Variants in FYTTD1 observed in about 807,000 individuals in gnomAD.
FYTTD1 encodes the protein forty-two-three domain containing 1.
FYTTD1 carries 22 observed loss-of-function variants against 40.9 expected under a neutral mutation model. That is an observed-to-expected ratio of 0.54 (90% confidence interval 0.38 to 0.77). FYTTD1 has a LOEUF of 0.77. Ranked by LOEUF, FYTTD1 falls within the 30% of genes least tolerant of loss-of-function variation. The pLI, the probability that FYTTD1 is intolerant of heterozygous loss-of-function variation, is 0.00. For missense variants in FYTTD1, 351 were observed against 392.2 expected, an observed-to-expected ratio of 0.90 and a Z score of 0.89; for synonymous variants, 140 against 137.9, an observed-to-expected ratio of 1.01 and a Z score of -0.10.
chr3:197,772,877 G>A (rs1246812504), intron 4 of FYTTD1, among the ~76,000 whole-genome samples: 2 of 152,196 alleles, frequency 1.3e-5, no homozygotes, highest in African/African-American at 4.8e-5. Context: ...CCAAAGTGCT[G>A]GGATTACAGG....
chr3:197,759,713 C>CTCAGTGGTAGAACGTATAGCGTGTTCT (rs1560493701), intron 2 of FYTTD1, among the ~76,000 whole-genome samples: 1 of 140,088 alleles, frequency 7.1e-6, no homozygotes, highest in Non-Finnish European at 1.5e-5. Flanking sequence ...AGAGTTGTTC[C>CTCAGTGGTAGAACGTATAGCGTGTTCT]TCAGTGGTAG....
chr3:197,775,672 A>G (rs538259574), intron 6 of FYTTD1, among the ~76,000 whole-genome samples: 126 of 152,352 alleles, frequency 8.3e-4, no homozygotes, highest in African/African-American at 2.9e-3. Flanking sequence ...GGGCCCAGAT[A>G]TGGTGCCAAC....
chr3:197,771,633 C>T (rs529861081), intron 4 of FYTTD1, among the ~76,000 whole-genome samples: 9 of 151,488 alleles, frequency 5.9e-5, no homozygotes, highest in Non-Finnish European at 1.3e-4. Flanking sequence ...AAAAATTAGC[C>T]GGGCGTGGTG....
intron 1 of FYTTD1, among the ~76,000 whole-genome samples, chr3:197,751,561 C>T (rs1729048442): frequency 6.6e-6 from 1 of 152,088 alleles, no homozygotes; most frequent in Non-Finnish European, 1.5e-5. Context: ...CTGGAACCCG[C>T]GGGCGGATGT....
At chr3:197,771,983 A>G (rs985200668) in intron 4 of FYTTD1, among the ~76,000 whole-genome samples, 2 of 152,050 alleles carry the variant, frequency 1.3e-5, no homozygotes, top group South Asian at 2.1e-4. Context: ...AGTTCCAGCT[A>G]TTTGGGAGGC....
At chr3:197,763,613 C>CAA in intron 2 of FYTTD1, 13 of 355,598 alleles carry the variant, frequency 3.7e-5, no homozygotes, top group South Asian at 8.4e-5. Context: ...CCCGTCTCTA[C>CAA]AAAAAAAAAG....
chr3:197,776,803 G>A (rs4622943), intron 6 of FYTTD1, 124 bp from the exon 7 acceptor site: 1 of 626,034 alleles, frequency 1.6e-6, no homozygotes, highest in Non-Finnish European at 2.8e-6. Flanking sequence ...GTGGGGTTCA[G>A]GTACTTATTT....
At chr3:197,751,049 T>C (rs1307256965) in intron 1 of FYTTD1, among the ~76,000 whole-genome samples, 1 of 152,234 alleles carries the variant, frequency 6.6e-6, no homozygotes, top group Non-Finnish European at 1.5e-5. Context: ...TGGCAGTTTT[T>C]CGGATATTTG....
At position 197,785,956 on chromosome 3, in the gene FYTTD1, G is replaced by C. The variant is rs1022508781; in HGVS notation, c.*4047G>C. On this transcript the variant is annotated 3_prime_UTR_variant, in exon 9 of 9. Coordinates refer to ENST00000241502, the MANE Select transcript of FYTTD1 (RefSeq NM_032288.7). Reference sequence around the variant, plus strand: ...TAGCTTCTTTTTTTTTTTTTTAAATGATACTTCAGTAAACACAGCATTTAC... The same window carrying C: ...TAGCTTCTTTTTTTTTTTTTTAAATCATACTTCAGTAAACACAGCATTTAC... The C allele has an allele frequency of 2.7e-5, 4 of 148,500 alleles. No individual in the cohort carries two copies. Among genetic ancestry groups the C allele is most frequent in the Non-Finnish European group, 5.9e-5 (4 of 67,298 alleles). 9.2% of individuals were successfully genotyped at this position (148,500 alleles called of 1,614,324 possible).
At chr3:197,756,640 A>G in intron 2 of FYTTD1, 83 bp downstream of exon 2, 2 of 1,228,970 alleles carry the variant, frequency 1.6e-6, no homozygotes, top group South Asian at 2.5e-5. Context: ...CTTAACGTGG[A>G]GGAATGCGTC....
At chr3:197,757,637 T>A (rs962913719) in intron 2 of FYTTD1, among the ~76,000 whole-genome samples, 21 of 152,138 alleles carry the variant, frequency 1.4e-4, no homozygotes, top group African/African-American at 5.1e-4. Flanking sequence ...TAGCCAGGCG[T>A]GGTGGTACCT....
At chr3:197,750,516 C>G (rs1728984639) in intron 1 of FYTTD1, 1 of 986,036 alleles carries the variant, frequency 1.0e-6, no homozygotes, top group Non-Finnish European at 1.2e-6. Flanking sequence ...GAAGAAAGGT[C>G]TTGGAGAGCC....
At chr3:197,763,488 A>G in intron 2 of FYTTD1, 1 of 441,322 alleles carries the variant, frequency 2.3e-6, no homozygotes, top group South Asian at 1.6e-5. Context: ...TGGAGTCCTC[A>G]ATTGTTAAGC....
intron 8 of FYTTD1, among the ~76,000 whole-genome samples, chr3:197,779,811 G>GGA: frequency 6.9e-6 from 1 of 144,926 alleles, no homozygotes; most frequent in East Asian, 2.1e-4. Context: ...CCACACCTGG[G>GGA]TATGCAGGCA....
chr3:197,755,466 T>A lies in FYTTD1; in HGVS notation c.104-960T>A, dbSNP rs555191148. On this transcript the variant is annotated intron_variant, in intron 1 of 8. Transcript: ENST00000241502. ...TCTTTTTTTACTTTTTCTTTTTTTT[T>A]ATGGAGTCTCGCTCTGTCACCCAGG... Among the ~76,000 whole-genome samples, 98 of 151,714 alleles carry A rather than the reference T, an allele frequency of 6.5e-4. No individual in the cohort carries two copies. The Middle Eastern group carries it at 0.024, about 37-fold the overall frequency.
chr3:197,784,474 A>C lies in FYTTD1; in HGVS notation c.*2565A>C, dbSNP rs2109059133. On this transcript the variant is annotated 3_prime_UTR_variant, in exon 9 of 9. Transcript: ENST00000241502. ...CATCCCTCTCTCTTTTGATGATTTC[A>C]TTTGTAGCTCCAACAAATGAATCTA... 6.6e-6 allele frequency: 1 copy of C among 152,308 alleles called. No homozygotes were observed. The highest frequency in any genetic ancestry group is 2.4e-5 in the African/African-American group (1 of 41,574). The allele number at this position is 152,308 out of a possible 1,614,324, so 9.4% of individuals were successfully genotyped here. A position where few individuals can be genotyped will look rare whatever the true frequency, so the allele number is the denominator to read the frequency against.
chr3:197,755,796 G>A (rs763419890), intron 1 of FYTTD1: 8 of 1,550,968 alleles, frequency 5.2e-6, no homozygotes, highest in East Asian at 2.4e-5. Context: ...CCGGAAGGGG[G>A]TCATCTTTAA....
At chr3:197,760,616 A>G (rs1729354002) in intron 2 of FYTTD1, among the ~76,000 whole-genome samples, 1 of 151,608 alleles carries the variant, frequency 6.6e-6, no homozygotes, top group Non-Finnish European at 1.5e-5. Context: ...GAATGTATAG[A>G]GTTGTTCCTC....
Position 197,766,078 on chromosome 3 carries a change from C to G in FYTTD1, c.236-2361C>G, listed in dbSNP as rs573001014. ...CTCGGGAGGCTGAGGCAGGAGAATT[C>G]TTTGAACCCAGGAGGTGGAGGTTGC... On this transcript the variant is annotated intron_variant, in intron 2 of 8. Coordinates refer to ENST00000241502, the MANE Select transcript of FYTTD1 (RefSeq NM_032288.7). 2.7e-5 allele frequency among the ~76,000 whole-genome samples: 4 copies of G among 150,106 alleles called. No homozygotes were observed. In the East Asian group the frequency reaches 7.8e-4, roughly 29 times the overall value.
Sources: allele counts gnomAD v4.1 joint callset (sites outside exome capture counted in the v4.1 genomes callset), GRCh38; gene constraint gnomAD v4.1.1; transcripts MANE v1.5; gene names NCBI Gene and HGNC (gene_info 2026-07-23, HGNC 2026-07-21).